The following PHC2 variants were observed in gnomAD, a reference collection of about 807,000 sequenced individuals.
PHC2 encodes polyhomeotic-like protein 2.
A neutral mutation model predicts 87.4 loss-of-function variants in PHC2; 29 were observed. That is an observed-to-expected ratio of 0.33 (90% CI 0.25 to 0.45). PHC2 has a LOEUF of 0.45. Ranked by LOEUF, PHC2 falls within the 20% of genes least tolerant of loss-of-function variation. The pLI is 1.00. For missense variants in PHC2, 857 were observed against 1,136.7 expected (o/e 0.75, Z 3.54); for synonymous variants, 438 against 461.7 (o/e 0.95, Z 0.66).
intron 1 of PHC2, among the ~76,000 whole-genome samples, chr1:33,408,605 C>G (rs1649860704): frequency 6.6e-6 from 1 of 152,108 alleles, no homozygotes; most frequent in Non-Finnish European, 1.5e-5. Flanking sequence ...GGACTACAGG[C>G]ATGTGCCACC....
Position 33,332,249 on chromosome 1 carries a change from A to C in PHC2, c.1891+26T>G, listed in dbSNP as rs1646516966. On this transcript the variant is annotated intron_variant, in intron 11 of 14. Coordinates refer to ENST00000683057, the MANE Select transcript of PHC2 (RefSeq NM_001385109.1). The surrounding 1 kb of genome is among the most constrained non-coding windows in gnomAD (Gnocchi z 4.2). ...CCTTTCCAGCCACGCTGGGAGGCCG[A>C]GAGATTCAGGGTCTGAGATGCCCAC... The C allele has an allele frequency of 5.6e-6, 9 of 1,613,742 alleles. No homozygotes were observed. The highest frequency in any genetic ancestry group is 7.6e-6 in the Non-Finnish European group (9 of 1,179,772).
At chr1:33,330,014 G>A (rs1646456015) in intron 13 of PHC2, 57 bp downstream of exon 13, 22 of 1,592,606 alleles carry the variant, frequency 1.4e-5, no homozygotes, top group Non-Finnish European at 1.9e-5. Context: ...CGAGGGCCAT[G>A]GAAGGGAAGC....
In PHC2 at chr1:33,324,862, G is replaced by C. The variant is rs374127538; in HGVS notation, c.*3C>G. On this transcript the variant is annotated 3_prime_UTR_variant, in exon 15 of 15. Transcript: ENST00000683057. ...TGGGCCAGAATCCTGGCTGCCACCA[G>C]CCCTAGGAGTCCTTGAGCATGCTGA... 5 of 1,610,742 alleles carry C rather than the reference G, an allele frequency of 3.1e-6. No individual in the cohort carries two copies. The Admixed American group carries it at 5.0e-5, about 16-fold the overall frequency.
At chr1:33,401,093 G>A (rs1649505526) in intron 1 of PHC2, among the ~76,000 whole-genome samples, 1 of 152,138 alleles carries the variant, frequency 6.6e-6, no homozygotes, top group Admixed American at 6.5e-5. Flanking sequence ...TTGGGAGGCC[G>A]AGGTAGGCGA....
At chr1:33,408,757 G>A (rs1042076648) in intron 1 of PHC2, among the ~76,000 whole-genome samples, 1 of 152,082 alleles carries the variant, frequency 6.6e-6, no homozygotes, top group Admixed American at 6.6e-5. Context: ...GAGCCACCGC[G>A]CCTGGCCTGT....
At chr1:33,347,604 A>G (rs2148254759) in intron 9 of PHC2, 1 of 985,504 alleles carries the variant, frequency 1.0e-6, no homozygotes, top group African/African-American at 1.7e-5. Context: ...GAGAGAAAAC[A>G]TAGTTGGACA....
chr1:33,409,186 G>A (rs754053137), intron 1 of PHC2, among the ~76,000 whole-genome samples: 1 of 152,126 alleles, frequency 6.6e-6, no homozygotes, highest in Non-Finnish European at 1.5e-5. Flanking sequence ...GTAATTCCAT[G>A]TTTATTAATT....
Position 33,349,890 on chromosome 1 carries a change from G to A in PHC2, c.1558+4511C>T, listed in dbSNP as rs1646931426. Reference sequence around the variant, plus strand: ...GCGCTCGAGGGCTGCAGCCGCCGCGGAGACAATGCGGCGAGTCTGGGACGG... The same window carrying A: ...GCGCTCGAGGGCTGCAGCCGCCGCGAAGACAATGCGGCGAGTCTGGGACGG... On this transcript the variant is annotated intron_variant, in intron 9 of 14. Coordinates refer to ENST00000683057, the MANE Select transcript of PHC2 (RefSeq NM_001385109.1). The surrounding 1 kb of genome is among the most constrained non-coding windows in gnomAD (Gnocchi z 4.2). 28 of 977,834 alleles carry A rather than the reference G, an allele frequency of 2.9e-5. No individual in the cohort carries two copies. The highest frequency in any genetic ancestry group is 3.4e-5 in the Non-Finnish European group (28 of 825,932). 60.6% of individuals were successfully genotyped at this position (977,834 alleles called of 1,614,324 possible).
In PHC2 at chr1:33,349,546, G is replaced by A. The variant is rs1646917922; in HGVS notation, c.1558+4855C>T. 1 of 981,634 alleles carries A rather than the reference G, an allele frequency of 1.0e-6. No individual in the cohort carries two copies. Among genetic ancestry groups the A allele is most frequent in the Non-Finnish European group, 1.2e-6 (1 of 826,892 alleles). The allele number at this position is 981,634 out of a possible 1,614,324, so 60.8% of individuals were successfully genotyped here. The stretch of plus-strand genomic sequence containing the variant: ...GCCCGACTTCCAGTGCGGCGAGCGC[G>A]GCCCCCGGCCTCCCTACTGGCGAGA... On this transcript the variant is annotated intron_variant, in intron 9 of 14. Coordinates refer to ENST00000683057, the MANE Select transcript of PHC2 (RefSeq NM_001385109.1). This position sits in a 1 kb window ranked among gnomAD's most constrained non-coding sequence, Gnocchi z 4.2.
At chr1:33,347,795 C>T in intron 9 of PHC2, 18 of 925,778 alleles carry the variant, frequency 1.9e-5, no homozygotes, top group Non-Finnish European at 2.3e-5. Context: ...AGGGCAGGTG[C>T]CAAAAGAGCA....
chr1:33,388,598 A>C (rs932127420), intron 1 of PHC2, among the ~76,000 whole-genome samples: 2 of 152,092 alleles, frequency 1.3e-5, no homozygotes, highest in Non-Finnish European at 2.9e-5. Context: ...GATTACAGGC[A>C]TGAGCCACCA....
chr1:33,329,939 G>A, intron 13 of PHC2, 132 bp downstream of exon 13: 1 of 982,934 alleles, frequency 1.0e-6, no homozygotes, highest in Admixed American at 2.1e-5. Context: ...CGACTGGACA[G>A]GTCTACAAGG....
intron 9 of PHC2, among the ~76,000 whole-genome samples, chr1:33,335,902 G>A (rs186451986): frequency 5.5e-5 from 8 of 144,524 alleles, no homozygotes; most frequent in Non-Finnish European, 1.1e-4. Flanking sequence ...TCTATCTTGG[G>A]GGGGGAGGGG....
intron 1 of PHC2, chr1:33,392,611 T>C (rs1419945898): frequency 6.6e-6 from 1 of 152,174 alleles, no homozygotes; most frequent in East Asian, 1.9e-4. Flanking sequence ...TTTGCCATTA[T>C]TCTAAAAAGG....
At chr1:33,376,535 C>A (rs1648194391) in intron 1 of PHC2, among the ~76,000 whole-genome samples, 2 of 152,208 alleles carry the variant, frequency 1.3e-5, no homozygotes, top group African/African-American at 4.8e-5. Flanking sequence ...CACCTCTCAC[C>A]CTATCAGCCT....
chr1:33,392,187 A>ACG (rs1317442873), intron 1 of PHC2, among the ~76,000 whole-genome samples: 3 of 150,140 alleles, frequency 2.0e-5, no homozygotes, highest in Non-Finnish European at 4.4e-5. Context: ...ACACACACAC[A>ACG]CATGCACATG....
At position 33,329,233 on chromosome 1, in the gene PHC2, AC is replaced by A; in HGVS notation, c.2149-88del. The A allele has an allele frequency of 4.3e-6, 6 of 1,387,580 alleles. No homozygotes were observed. The South Asian group carries it at 7.9e-5, about 18-fold the overall frequency. The allele number at this position is 1,387,580 out of a possible 1,614,324, so 86.0% of individuals were successfully genotyped here. A position where few individuals can be genotyped will look rare whatever the true frequency, so the allele number is the denominator to read the frequency against. On this transcript the variant is annotated intron_variant, in intron 13 of 14. Coordinates refer to ENST00000683057, the MANE Select transcript of PHC2 (RefSeq NM_001385109.1). ...CAAAGGAGGTATTTCTCCTTTTTCT[AC>A]TTGGCCTACTACTACACATCTGAGT...
chr1:33,325,182 T>TGA, intron 14 of PHC2, 163 bp from the exon 15 acceptor site: 1 of 692,490 alleles, frequency 1.4e-6, no homozygotes, highest in South Asian at 2.2e-5. Flanking sequence ...TTTTGCAGCT[T>TGA]GAGAGAGGCT....
rs554943664 is a variant in PHC2, at chr1:33,354,589, G to A, written c.1393-23C>T. ...GGGCTGTCAAAGGACAGGACAGAGA[G>A]GGGGGCCTCTCAGAAATAGCCTTTG... On this transcript the variant is annotated intron_variant, in intron 8 of 14. Transcript: ENST00000683057. 2.5e-6 allele frequency: 4 copies of A among 1,600,362 alleles called. No homozygotes were observed. In the Admixed American group the frequency reaches 5.2e-5, roughly 21 times the overall value.
Sources: allele counts gnomAD v4.1 joint callset (sites outside exome capture counted in the v4.1 genomes callset), GRCh38; gene constraint gnomAD v4.1.1; non-coding constraint Gnocchi (gnomAD v3.1); transcripts MANE v1.5; gene names NCBI Gene and HGNC (gene_info 2026-07-23, HGNC 2026-07-21).